ABCB5: variants seen among roughly 807,000 people sequenced by gnomAD.
ABCB5 encodes ATP binding cassette subfamily B member 5.
Under a neutral mutation model 144.2 loss-of-function variants are expected in ABCB5, and 155 were observed. The observed-to-expected ratio is 1.08, with a 90% CI of 0.94 to 1.23. The LOEUF (loss-of-function observed/expected upper bound fraction) is 1.23, where lower values mean the gene tolerates loss of function less well. Ranked by LOEUF, ABCB5 falls within the 50% of genes most tolerant of loss-of-function variation. The pLI is 0.00. For synonymous variants in ABCB5, 610 were observed against 528.6 expected (o/e 1.15, Z -2.11); for missense variants, 1,830 against 1,520.8 (o/e 1.20, Z -3.38).
intron 14 of ABCB5, among the ~76,000 whole-genome samples, chr7:20,665,648 G>T (rs111595330): frequency 1.9e-4 from 29 of 151,818 alleles, no homozygotes; most frequent in African/African-American, 7.0e-4. Context: ...GGACAAGCAG[G>T]TAGGGCCGTA....
chr7:20,730,969 T>C (rs1782190518), intron 23 of ABCB5, among the ~76,000 whole-genome samples: 2 of 152,224 alleles, frequency 1.3e-5, no homozygotes, highest in Non-Finnish European at 2.9e-5. Context: ...CGAGGTTTGA[T>C]GATTTTCCAA....
At chr7:20,748,647 T>A (rs531088892) in intron 26 of ABCB5, among the ~76,000 whole-genome samples, 478 of 43,006 alleles carry the variant, frequency 0.011, 3 homozygotes, top group African/African-American at 0.041. Context: ...TGAGACTCCA[T>A]CTCAAAAAAA....
chr7:20,750,733 G>A (rs189349314), intron 26 of ABCB5, among the ~76,000 whole-genome samples: 7 of 152,296 alleles, frequency 4.6e-5, no homozygotes, highest in Admixed American at 4.6e-4. Flanking sequence ...TTCGGTAAGG[G>A]AGTGTGGATC....
At chr7:20,659,509 T>G in intron 14 of ABCB5, 2 of 1,023,698 alleles carry the variant, frequency 2.0e-6, no homozygotes, top group Non-Finnish European at 2.3e-6. Flanking sequence ...ATCTCTTAGT[T>G]ACTATTATTT....
At chr7:20,703,886 G>A (rs1786720017) in intron 19 of ABCB5, among the ~76,000 whole-genome samples, 1 of 152,086 alleles carries the variant, frequency 6.6e-6, no homozygotes, top group Admixed American at 6.5e-5. Flanking sequence ...AACTTCAGGA[G>A]TTTCACAGCC....
intron 14 of ABCB5, among the ~76,000 whole-genome samples, chr7:20,679,992 CTT>C (rs1785736901): frequency 6.6e-6 from 1 of 151,954 alleles, no homozygotes; most frequent in Non-Finnish European, 1.5e-5. Context: ...GAAAAAAAAA[CTT>C]AAAAACTATC....
chr7:20,627,554 T>A (rs1336265103), intron 3 of ABCB5, among the ~76,000 whole-genome samples: 1 of 152,150 alleles, frequency 6.6e-6, no homozygotes, highest in African/African-American at 2.4e-5. Context: ...TCAATTTTGC[T>A]CATGATTTGG....
intron 20 of ABCB5, among the ~76,000 whole-genome samples, chr7:20,718,152 GC>G (rs1240294829): frequency 1.3e-5 from 2 of 151,542 alleles, no homozygotes; most frequent in Non-Finnish European, 2.9e-5. Flanking sequence ...CTCGTGACCA[GC>G]CCGCCTCGGC....
chr7:20,690,055 T>C (rs751529748), intron 16 of ABCB5, among the ~76,000 whole-genome samples: 12 of 152,186 alleles, frequency 7.9e-5, no homozygotes, highest in Non-Finnish European at 1.6e-4. Context: ...CTTCAGGAGT[T>C]TTTAAACAGT....
At chr7:20,750,383 TACACACACACAC>T (rs3033674) in intron 26 of ABCB5, among the ~76,000 whole-genome samples, 9 of 141,088 alleles carry the variant, frequency 6.4e-5, no homozygotes, top group African/African-American at 1.8e-4. Flanking sequence ...GGCTTCCCCC[TACACACACACAC>T]ACACACACAC....
In ABCB5 at chr7:20,647,547, G is replaced by A. The variant is rs1203862512; in HGVS notation, c.994G>A (p.Val332Ile). The A allele has an allele frequency of 3.2e-6, 5 of 1,575,022 alleles. No individual in the cohort carries two copies. The highest frequency in any genetic ancestry group is 3.4e-6 in the Non-Finnish European group (4 of 1,160,214). Residue 332 changes from valine (V) to isoleucine (I), a missense_variant, in exon 10 of 28, where the codon GTA (valine) becomes ATA (isoleucine). Transcript: ENST00000404938. Reference protein sequence around the residue: ...IGTVLAVFFSVIHSSYCIGAA... With the variant: ...IGTVLAVFFSIIHSSYCIGAA... ...TTTGTTCCTGTAGGTTTTCTTTAGTGTAATCCATAGCAGTTATTGCATTGG... is the reference window on the plus strand; with the variant it reads ...TTTGTTCCTGTAGGTTTTCTTTAGTATAATCCATAGCAGTTATTGCATTGG...
intron 14 of ABCB5, among the ~76,000 whole-genome samples, chr7:20,668,341 C>T (rs1400674283): frequency 2.1e-5 from 3 of 144,980 alleles, no homozygotes; most frequent in Admixed American, 1.4e-4. Context: ...GGCCGCCCAT[C>T]GTCTGAGATG....
At chr7:20,616,842 A>T (rs1456423992) in intron 1 of ABCB5, among the ~76,000 whole-genome samples, 1 of 152,200 alleles carries the variant, frequency 6.6e-6, no homozygotes, top group Non-Finnish European at 1.5e-5. Flanking sequence ...TACAGTGAGG[A>T]CCTGCCAACT....
At chr7:20,626,642 T>C in intron 3 of ABCB5, 31 bp downstream of exon 3, 1 of 1,555,692 alleles carries the variant, frequency 6.4e-7, no homozygotes, top group Non-Finnish European at 8.7e-7. Context: ...AGTACATGCA[T>C]TAGAAGATTT....
chr7:20,628,963 G>T, intron 4 of ABCB5, 125 bp downstream of exon 4: 4 of 1,134,614 alleles, frequency 3.5e-6, no homozygotes, highest in Non-Finnish European at 4.8e-6. Context: ...ATGTATTTAA[G>T]TCATTTATTC....
At chr7:20,639,026 T>C (rs965493589) in intron 5 of ABCB5, among the ~76,000 whole-genome samples, 1 of 152,228 alleles carries the variant, frequency 6.6e-6, no homozygotes, top group African/African-American at 2.4e-5. Flanking sequence ...ACACTTGTTA[T>C]TGTCTGCCTT....
At chr7:20,708,725 A>G (rs1042115019) in intron 20 of ABCB5, among the ~76,000 whole-genome samples, 5 of 152,176 alleles carry the variant, frequency 3.3e-5, no homozygotes, top group African/African-American at 4.8e-5. Context: ...CCCATAAAAT[A>G]TATGCTGACA....
At chr7:20,733,179 G>A (rs994142250) in intron 23 of ABCB5, among the ~76,000 whole-genome samples, 9 of 150,602 alleles carry the variant, frequency 6.0e-5, no homozygotes, top group South Asian at 2.1e-4. Flanking sequence ...TTTACTCAAC[G>A]TACATTATTA....
intron 16 of ABCB5, among the ~76,000 whole-genome samples, chr7:20,691,151 A>G (rs1164700482): frequency 6.6e-6 from 1 of 150,854 alleles, no homozygotes; most frequent in Non-Finnish European, 1.5e-5. Context: ...GGGAAAACAC[A>G]GACAAAACCC....
Sources: allele counts gnomAD v4.1 joint callset (sites outside exome capture counted in the v4.1 genomes callset), GRCh38; gene constraint gnomAD v4.1.1; transcripts MANE v1.5; gene names NCBI Gene and HGNC (gene_info 2026-07-23, HGNC 2026-07-21).